RASAL2: variants seen among roughly 807,000 people sequenced by gnomAD.
The protein encoded by RASAL2 is ras GTPase-activating protein nGAP.
Under a neutral mutation model 128.9 loss-of-function variants are expected in RASAL2, and 58 were observed. The ratio of observed to expected loss-of-function variants is 0.45; its 90% CI spans 0.36 to 0.56. The LOEUF is 0.56. RASAL2 is among the 20% of genes least tolerant of loss of function. The pLI, the probability that RASAL2 is intolerant of heterozygous loss-of-function variation, is 0.00. For synonymous variants in RASAL2, 561 were observed against 580.8 expected (o/e 0.97, Z 0.49); for missense variants, 1,360 against 1,601.6 (o/e 0.85, Z 2.57).
intron 1 of RASAL2, among the ~76,000 whole-genome samples, chr1:178,270,975 A>G (rs1005605326): frequency 1.3e-5 from 2 of 152,180 alleles, no homozygotes; most frequent in African/African-American, 4.8e-5. Flanking sequence ...ACATGTTTAG[A>G]GTAGCCTTTT....
intron 8 of RASAL2, among the ~76,000 whole-genome samples, chr1:178,443,906 G>T (rs1676830817): frequency 6.6e-6 from 1 of 152,042 alleles, no homozygotes; most frequent in South Asian, 2.1e-4. Context: ...ATGCAAACTG[G>T]TCATGATAAA....
rs745510286 is a variant in RASAL2, at chr1:178,443,172, T to G, written c.1425T>G (p.Asn475Lys). The G allele has an allele frequency of 1.2e-6, 2 of 1,613,728 alleles. No homozygotes were observed. The highest frequency in any genetic ancestry group is 4.5e-5 in the East Asian group (2 of 44,858). Reference protein sequence around the residue: ...SVLEPVISVRNKEELACALVH... With the variant: ...SVLEPVISVRKKEELACALVH... ...TTGAGCCAGTAATTAGTGTGAGAAA[T>G]AAAGAGGAGTTGGCTTGTGCCTTAG... Residue 475 changes from asparagine (N) to lysine (K), a missense_variant, in exon 8 of 18, where the codon AAT becomes AAG. By Grantham distance (94) the Asn-to-Lys change is moderately conservative. Coordinates refer to ENST00000367649, the MANE Select transcript of RASAL2 (RefSeq NM_170692.4).
intron 3 of RASAL2, among the ~76,000 whole-genome samples, chr1:178,327,438 T>C (rs2102355902): frequency 6.6e-6 from 1 of 152,198 alleles, no homozygotes; most frequent in Non-Finnish European, 1.5e-5. Flanking sequence ...CTCAACCTCT[T>C]GAGTTCAAGC....
At chr1:178,211,775 A>G (rs1369762624) in intron 1 of RASAL2, among the ~76,000 whole-genome samples, 3 of 152,080 alleles carry the variant, frequency 2.0e-5, no homozygotes, top group African/African-American at 4.8e-5. Context: ...AGGGTAGACT[A>G]TGGTTTCCAT....
chr1:178,153,898 C>T (rs950237402), intron 1 of RASAL2, among the ~76,000 whole-genome samples: 1 of 152,066 alleles, frequency 6.6e-6, no homozygotes, highest in Non-Finnish European at 1.5e-5. Context: ...TGCAGTGGTG[C>T]GATCTTGGCT....
chr1:178,456,940 A>C (rs1677819742), intron 13 of RASAL2, 41 bp downstream of exon 13: 4 of 1,581,302 alleles, frequency 2.5e-6, no homozygotes, highest in Non-Finnish European at 3.5e-6. Context: ...GGAGAAACAT[A>C]ATGTTTAGAT....
At chr1:178,125,202 G>A (rs1476652486) in intron 1 of RASAL2, 1 of 152,142 alleles carries the variant, frequency 6.6e-6, no homozygotes, top group Non-Finnish European at 1.5e-5. Context: ...TATAGTAAAT[G>A]TTTTACATTT....
intron 1 of RASAL2, among the ~76,000 whole-genome samples, chr1:178,231,617 A>C (rs917219844): frequency 3.9e-5 from 6 of 152,166 alleles, no homozygotes; most frequent in Admixed American, 3.3e-4. Context: ...CCCTCAGGTC[A>C]CAAAAATACT....
chr1:178,257,585 C>T (rs1048420682), intron 1 of RASAL2, among the ~76,000 whole-genome samples: 1 of 152,158 alleles, frequency 6.6e-6, no homozygotes. Flanking sequence ...CGCCTGTAAT[C>T]CCTGCACTTT....
At chr1:178,324,599 A>G (rs538324596) in intron 3 of RASAL2, among the ~76,000 whole-genome samples, 2 of 152,268 alleles carry the variant, frequency 1.3e-5, no homozygotes, top group South Asian at 2.1e-4. Context: ...CTTGTTTACA[A>G]TGCATCTTGA....
chr1:178,359,231 T>C (rs138997281), intron 3 of RASAL2, among the ~76,000 whole-genome samples: 181 of 152,340 alleles, frequency 1.2e-3, no homozygotes, highest in African/African-American at 4.1e-3. Context: ...TACCATTCAT[T>C]TGGAAAAGTA....
At chr1:178,359,826 C>T (rs1325141191) in intron 3 of RASAL2, among the ~76,000 whole-genome samples, 2 of 152,192 alleles carry the variant, frequency 1.3e-5, no homozygotes, top group Non-Finnish European at 2.9e-5. Flanking sequence ...ACAGCGGCCT[C>T]TGTTGACCCC....
intron 5 of RASAL2, among the ~76,000 whole-genome samples, chr1:178,438,128 G>C (rs1291162344): frequency 3.3e-5 from 5 of 151,422 alleles, no homozygotes; most frequent in Admixed American, 3.3e-4. Flanking sequence ...GTGTGTGTGT[G>C]TGTGTGTGTG....
At chr1:178,120,850 C>A (rs1038923416) in intron 1 of RASAL2, 1 of 152,228 alleles carries the variant, frequency 6.6e-6, no homozygotes, top group Non-Finnish European at 1.5e-5. Flanking sequence ...AATCTAATGC[C>A]GCTGCTGATC....
chr1:178,226,199 T>C (rs903372795), intron 1 of RASAL2, among the ~76,000 whole-genome samples: 6 of 152,198 alleles, frequency 3.9e-5, no homozygotes, highest in Middle Eastern at 3.2e-3. Flanking sequence ...CATCTTAATA[T>C]GATCTCCTAG....
chr1:178,193,076 G>GA (rs1261977712), intron 1 of RASAL2, among the ~76,000 whole-genome samples: 4 of 151,942 alleles, frequency 2.6e-5, no homozygotes, highest in Non-Finnish European at 4.4e-5. Context: ...AGGAAGCAGC[G>GA]AAAAAAATAT....
chr1:178,289,184 T>A (rs1435600342), intron 2 of RASAL2, among the ~76,000 whole-genome samples: 1 of 152,190 alleles, frequency 6.6e-6, no homozygotes, highest in African/African-American at 2.4e-5. Flanking sequence ...AGTGGTCAGT[T>A]CTCAGTTCTC....
intron 3 of RASAL2, among the ~76,000 whole-genome samples, chr1:178,363,952 G>C (rs1012381046): frequency 4.0e-5 from 6 of 151,896 alleles, no homozygotes; most frequent in Non-Finnish European, 7.4e-5. Flanking sequence ...AAAAATTAGC[G>C]GGGCCAGGTG....
At chr1:178,142,322 A>C (rs1169735882) in intron 1 of RASAL2, among the ~76,000 whole-genome samples, 1 of 152,150 alleles carries the variant, frequency 6.6e-6, no homozygotes, top group African/African-American at 2.4e-5. Context: ...GTTAGAGGGA[A>C]GGGACTTGAC....
Sources: allele counts gnomAD v4.1 joint callset (sites outside exome capture counted in the v4.1 genomes callset), GRCh38; gene constraint gnomAD v4.1.1; transcripts MANE v1.5; gene names NCBI Gene and HGNC (gene_info 2026-07-23, HGNC 2026-07-21).